Variants in ITGB6 observed in about 807,000 individuals in gnomAD.
The protein encoded by ITGB6 is integrin beta-6.
In ITGB6, 80 loss-of-function variants were observed where a neutral mutation model predicts 84.5. The observed-to-expected ratio is 0.95, with a 90% confidence interval of 0.79 to 1.14. The LOEUF (loss-of-function observed/expected upper bound fraction) is 1.14. Among genes scored for constraint, ITGB6 ranks in the 50% most tolerant of loss-of-function variants. The pLI, the probability that ITGB6 is intolerant of heterozygous loss-of-function variation, is 0.00. For missense variants in ITGB6, 1,006 were observed against 968.0 expected (o/e 1.04, Z -0.52); for synonymous variants, 383 against 354.9 (o/e 1.08, Z -0.89).
At chr2:160,175,140 T>C (rs1220366810) in intron 4 of ITGB6, among the ~76,000 whole-genome samples, 3 of 152,212 alleles carry the variant, frequency 2.0e-5, no homozygotes, top group Non-Finnish European at 2.9e-5. Flanking sequence ...ATTCTTAATA[T>C]GGGCACATGT....
At chr2:160,130,781 A>C (rs1157629868) in intron 10 of ITGB6, among the ~76,000 whole-genome samples, 4 of 152,232 alleles carry the variant, frequency 2.6e-5, no homozygotes, top group Non-Finnish European at 5.9e-5. Flanking sequence ...TCCATATTAC[A>C]GTTGATTCTG....
intron 12 of ITGB6, among the ~76,000 whole-genome samples, chr2:160,116,555 A>T (rs1348744413): frequency 1.3e-5 from 2 of 152,234 alleles, no homozygotes; most frequent in Non-Finnish European, 2.9e-5. Context: ...GCCACTGCAA[A>T]AACATGCCAA....
chr2:160,138,640 C>T (rs141810293), intron 8 of ITGB6, among the ~76,000 whole-genome samples: 4 of 152,290 alleles, frequency 2.6e-5, no homozygotes, highest in African/African-American at 9.6e-5. Context: ...TTATGTGTAT[C>T]ATGATTTCTT....
At chr2:160,197,656 G>T (rs781162974) in intron 2 of ITGB6, among the ~76,000 whole-genome samples, 2 of 152,228 alleles carry the variant, frequency 1.3e-5, no homozygotes, top group Middle Eastern at 3.2e-3. Flanking sequence ...AATACAATTT[G>T]TTATCTATCA....
chr2:160,125,649 AT>A (rs1683210288), intron 11 of ITGB6, among the ~76,000 whole-genome samples: 1 of 152,188 alleles, frequency 6.6e-6, no homozygotes, highest in African/African-American at 2.4e-5. Context: ...ATCAGAGTTC[AT>A]GAAAATCTGA....
At chr2:160,197,210 G>A (rs1363419877) in intron 2 of ITGB6, among the ~76,000 whole-genome samples, 1 of 152,046 alleles carries the variant, frequency 6.6e-6, no homozygotes, top group East Asian at 1.9e-4. Context: ...GCAGGAGAAC[G>A]GTGTGAACCC....
chr2:160,109,111 T>A (rs1697021025), intron 13 of ITGB6, among the ~76,000 whole-genome samples: 1 of 152,206 alleles, frequency 6.6e-6, no homozygotes. Context: ...AGTCATGCTG[T>A]CTTTAAGGTA....
At chr2:160,140,597 C>A (rs1683962218) in intron 8 of ITGB6, among the ~76,000 whole-genome samples, 1 of 150,922 alleles carries the variant, frequency 6.6e-6, no homozygotes, top group Admixed American at 6.6e-5. Context: ...CACATTAAAA[C>A]TTTAATTACT....
intron 7 of ITGB6, among the ~76,000 whole-genome samples, chr2:160,151,056 G>A (rs1684395407): frequency 6.6e-6 from 1 of 152,054 alleles, no homozygotes; most frequent in African/African-American, 2.4e-5. Context: ...GCTTAACAAG[G>A]ATATCCAGGA....
At chr2:160,128,274 C>A (rs78038400) in intron 10 of ITGB6, among the ~76,000 whole-genome samples, 385 of 137,836 alleles carry the variant, frequency 2.8e-3, no homozygotes, top group Non-Finnish European at 2.8e-3. Flanking sequence ...GTAGACAATA[C>A]AAAAAAAAAA....
Position 160,101,123 on chromosome 2 carries a change from A to G in ITGB6, c.*613T>C, listed in dbSNP as rs564498958. The G allele has an allele frequency of 3.3e-5, 5 of 152,228 alleles. No homozygotes were observed. Among genetic ancestry groups the G allele is most frequent in the African/African-American group, 1.2e-4 (5 of 41,556 alleles). 9.4% of individuals were successfully genotyped at this position (152,228 alleles called of 1,614,324 possible). On this transcript the variant is annotated 3_prime_UTR_variant, in exon 15 of 15. Transcript: ENST00000283249. ...TAAATTACTTATTCCTTATTTGTAA[A>G]ACAAATAAAATATTTGTGTACTTAA...
intron 1 of ITGB6, among the ~76,000 whole-genome samples, 179 bp from the exon 2 acceptor site, chr2:160,199,437 G>A (rs1217831339): frequency 6.6e-6 from 1 of 152,166 alleles, no homozygotes; most frequent in Non-Finnish European, 1.5e-5. Flanking sequence ...TCTATCACAT[G>A]TAAAATATGT....
intron 4 of ITGB6, among the ~76,000 whole-genome samples, chr2:160,184,270 G>T (rs1190833138): frequency 6.6e-6 from 1 of 152,074 alleles, no homozygotes; most frequent in East Asian, 1.9e-4. Flanking sequence ...GAATCAAACA[G>T]ACACAATAAA....
chr2:160,138,571 C>T (rs1683865691), intron 8 of ITGB6, among the ~76,000 whole-genome samples: 1 of 152,150 alleles, frequency 6.6e-6, no homozygotes, highest in African/African-American at 2.4e-5. Flanking sequence ...CATAGATTGG[C>T]ATATAAAAGG....
chr2:160,140,273 T>G (rs1306397643), intron 8 of ITGB6, among the ~76,000 whole-genome samples: 2 of 152,176 alleles, frequency 1.3e-5, no homozygotes, highest in African/African-American at 4.8e-5. Flanking sequence ...AATAGACACT[T>G]CTTAGTATTT....
At chr2:160,165,951 T>G (rs1236078488) in intron 7 of ITGB6, among the ~76,000 whole-genome samples, 4 of 152,246 alleles carry the variant, frequency 2.6e-5, no homozygotes, top group Admixed American at 6.5e-5. Context: ...ACTCCAAGTC[T>G]TTCTTTTGAC....
chr2:160,149,490 G>C (rs1376682585), intron 7 of ITGB6, among the ~76,000 whole-genome samples: 2 of 152,100 alleles, frequency 1.3e-5, no homozygotes, highest in Non-Finnish European at 2.9e-5. Context: ...AAATCACAAA[G>C]ATGGGGAGAA....
At chr2:160,113,064 G>A (rs1443967818) in intron 12 of ITGB6, among the ~76,000 whole-genome samples, 1 of 152,126 alleles carries the variant, frequency 6.6e-6, no homozygotes, top group Non-Finnish European at 1.5e-5. Context: ...TTTCAATGAT[G>A]GTTACAAACA....
Position 160,106,147 on chromosome 2 carries a change from C to T in ITGB6, c.2268+1532G>A, listed in dbSNP as rs141914524. Among the ~76,000 whole-genome samples, 371 of 152,336 alleles carry T rather than the reference C, an allele frequency of 2.4e-3. 2 individuals carry two copies. Among genetic ancestry groups the T allele is most frequent in the African/African-American group, 8.2e-3 (341 of 41,572 alleles). On this transcript the variant is annotated intron_variant, in intron 14 of 14. Transcript: ENST00000283249. ...GATATTTTCTAGCAATGTCACCATG[C>T]CATTATCATACCTAATCAAATTAAC...
Sources: allele counts gnomAD v4.1 joint callset (sites outside exome capture counted in the v4.1 genomes callset), GRCh38; gene constraint gnomAD v4.1.1; transcripts MANE v1.5; gene names NCBI Gene and HGNC (gene_info 2026-07-23, HGNC 2026-07-21).